Variants in OPCML observed in about 807,000 individuals in gnomAD.
OPCML encodes the protein opioid-binding protein/cell adhesion molecule.
A neutral mutation model predicts 37.8 loss-of-function variants in OPCML; 13 were observed. The observed-to-expected ratio is 0.34, with a 90% CI of 0.22 to 0.55. The LOEUF is 0.55. Ranked by LOEUF, OPCML falls within the 20% of genes least tolerant of loss-of-function variation. The pLI is 0.91. For missense variants in OPCML, 341 were observed against 435.6 expected (o/e 0.78, Z 1.93); for synonymous variants, 176 against 168.8 (o/e 1.04, Z -0.33).
intron 1 of OPCML, among the ~76,000 whole-genome samples, chr11:133,133,188 A>G (rs1186664871): frequency 6.6e-6 from 1 of 152,186 alleles, no homozygotes; most frequent in African/African-American, 2.4e-5. Context: ...ATCAGATGCA[A>G]CAGTTCCTGA....
At chr11:132,864,296 C>A (rs1475850044) in intron 2 of OPCML, among the ~76,000 whole-genome samples, 1 of 152,102 alleles carries the variant, frequency 6.6e-6, no homozygotes, top group Non-Finnish European at 1.5e-5. Flanking sequence ...TACCTGTTCT[C>A]CAATTAATCT....
intron 1 of OPCML, among the ~76,000 whole-genome samples, chr11:133,277,123 C>T (rs977818553): frequency 3.3e-5 from 5 of 152,280 alleles, no homozygotes; most frequent in East Asian, 3.9e-4. Context: ...ACTCAGGAGA[C>T]GAAGACTTAC....
At chr11:132,481,661 A>G (rs1458720055) in intron 4 of OPCML, among the ~76,000 whole-genome samples, 1 of 151,412 alleles carries the variant, frequency 6.6e-6, no homozygotes, top group Non-Finnish European at 1.5e-5. Context: ...TTGACCACAT[A>G]GTTGGAAGTA....
intron 2 of OPCML, among the ~76,000 whole-genome samples, chr11:132,897,146 T>C (rs1943881055): frequency 6.6e-6 from 1 of 152,198 alleles, no homozygotes; most frequent in Non-Finnish European, 1.5e-5. Flanking sequence ...ATATCCAAGA[T>C]GTCAGTGGCA....
chr11:133,419,196 G>A (rs555729415), intron 1 of OPCML: 176 of 976,624 alleles, frequency 1.8e-4, no homozygotes, highest in Non-Finnish European at 2.0e-4. Flanking sequence ...GGCTTTTTCT[G>A]TGCAACGGGC....
At chr11:133,097,718 A>G (rs1169214168) in intron 1 of OPCML, among the ~76,000 whole-genome samples, 4 of 152,204 alleles carry the variant, frequency 2.6e-5, no homozygotes, top group African/African-American at 4.8e-5. Context: ...TTAAAAGGAT[A>G]GTAAAGAAAT....
chr11:133,306,882 C>T (rs545180894), intron 1 of OPCML, among the ~76,000 whole-genome samples: 5 of 152,306 alleles, frequency 3.3e-5, no homozygotes, highest in African/African-American at 7.2e-5. Flanking sequence ...TTAACCAAGA[C>T]ACATACAGCT....
chr11:133,070,597 G>T (rs1948515669), intron 1 of OPCML, among the ~76,000 whole-genome samples: 1 of 152,194 alleles, frequency 6.6e-6, no homozygotes, highest in African/African-American at 2.4e-5. Flanking sequence ...CAACGGTGTG[G>T]CTAATTCCAA....
intron 3 of OPCML, among the ~76,000 whole-genome samples, chr11:132,530,412 T>C (rs1222647729): frequency 1.3e-5 from 2 of 152,000 alleles, no homozygotes; most frequent in Non-Finnish European, 2.9e-5. Context: ...ATAATTGCAA[T>C]AGCCTCCCAC....
intron 1 of OPCML, among the ~76,000 whole-genome samples, chr11:133,419,831 A>G (rs567487907): frequency 3.3e-5 from 5 of 152,254 alleles, no homozygotes; most frequent in Non-Finnish European, 7.3e-5. Context: ...TTCAGGAAAT[A>G]TTGTTTGACT....
chr11:132,664,604 T>A (rs1001415462), intron 2 of OPCML, among the ~76,000 whole-genome samples: 1 of 152,160 alleles, frequency 6.6e-6, no homozygotes, highest in Non-Finnish European at 1.5e-5. Context: ...AAACCAGTGA[T>A]AAATAATTTT....
At chr11:132,515,669 T>C (rs898480352) in intron 4 of OPCML, among the ~76,000 whole-genome samples, 2 of 152,212 alleles carry the variant, frequency 1.3e-5, no homozygotes, top group Non-Finnish European at 2.9e-5. Context: ...GTTAGTTGGT[T>C]TTCTTCCCCT....
intron 2 of OPCML, among the ~76,000 whole-genome samples, chr11:132,875,058 C>T (rs1163448316): frequency 6.6e-6 from 1 of 152,120 alleles, no homozygotes; most frequent in Admixed American, 6.6e-5. Context: ...TTTAAGCATA[C>T]CAACTATTTT....
At chr11:132,663,925 C>T (rs975617785) in intron 2 of OPCML, among the ~76,000 whole-genome samples, 3 of 152,116 alleles carry the variant, frequency 2.0e-5, no homozygotes, top group African/African-American at 2.4e-5. Context: ...CTCCGCCTCC[C>T]GGGTTCACGC....
intron 1 of OPCML, among the ~76,000 whole-genome samples, chr11:133,311,190 T>C (rs752212934): frequency 2.4e-4 from 36 of 152,242 alleles, no homozygotes; most frequent in Non-Finnish European, 4.0e-4. Context: ...AACATCATTT[T>C]AAAGCATTGC....
At chr11:133,264,890 G>A (rs1565537449) in intron 1 of OPCML, among the ~76,000 whole-genome samples, 3 of 152,248 alleles carry the variant, frequency 2.0e-5, no homozygotes, top group East Asian at 1.9e-4. Flanking sequence ...TTTGCTGCAC[G>A]GAATAGTTAA....
chr11:133,190,328 A>G (rs1938250890), intron 1 of OPCML, among the ~76,000 whole-genome samples: 2 of 152,198 alleles, frequency 1.3e-5, no homozygotes, highest in African/African-American at 4.8e-5. Context: ...AAAAAAGAGG[A>G]AGGGAGAAGG....
intron 1 of OPCML, among the ~76,000 whole-genome samples, chr11:132,972,221 G>C (rs1041193341): frequency 5.3e-5 from 8 of 152,186 alleles, no homozygotes; most frequent in African/African-American, 1.7e-4. Context: ...AAAACAGGAA[G>C]TCTTGGTGGC....
intron 7 of OPCML, among the ~76,000 whole-genome samples, chr11:132,421,211 G>T (rs2095957768): frequency 6.6e-6 from 1 of 152,132 alleles, no homozygotes; most frequent in African/African-American, 2.4e-5. Context: ...AGCACATAGG[G>T]TGGTACGCAA....
Sources: gnomAD v4.1 joint callset for allele counts (sites outside exome capture counted in the v4.1 genomes callset) on GRCh38, gnomAD v4.1.1 for gene constraint, MANE v1.5 for transcripts, NCBI Gene and HGNC (gene_info 2026-07-23, HGNC 2026-07-21) for gene names.